TRPS1: variants seen among roughly 807,000 people sequenced by gnomAD.
The protein encoded by TRPS1 is zinc finger transcription factor Trps1.
A neutral mutation model predicts 101.2 loss-of-function variants in TRPS1; 6 were observed. The observed-to-expected ratio is 0.06, with a 90% CI of 0.03 to 0.12. The LOEUF is 0.12. Among genes scored for constraint, TRPS1 ranks in the 10% least tolerant of loss-of-function variants. TRPS1 has a pLI of 1.00. For missense variants in TRPS1, 1,363 were observed against 1,567.0 expected (o/e 0.87, Z 2.20); for synonymous variants, 578 against 589.8 (o/e 0.98, Z 0.29).
intron 5 of TRPS1, among the ~76,000 whole-genome samples, chr8:115,517,585 C>A (rs1815748428): frequency 6.6e-6 from 1 of 151,244 alleles, no homozygotes; most frequent in African/African-American, 2.4e-5. Flanking sequence ...TCCTATGATT[C>A]AATATGCAGA....
intron 5 of TRPS1, among the ~76,000 whole-genome samples, chr8:115,512,692 T>C (rs963871263): frequency 6.6e-6 from 1 of 151,664 alleles, no homozygotes; most frequent in African/African-American, 2.4e-5. Context: ...TACTCTTAGA[T>C]TTTGGTCAAA....
At chr8:115,594,906 T>C (rs1460312712) in intron 4 of TRPS1, among the ~76,000 whole-genome samples, 2 of 151,862 alleles carry the variant, frequency 1.3e-5, no homozygotes, top group Non-Finnish European at 3.0e-5. Flanking sequence ...CTTTTAAATG[T>C]TAACTTGAGA....
At chr8:115,544,564 C>A (rs1563591297) in intron 5 of TRPS1, among the ~76,000 whole-genome samples, 1 of 152,066 alleles carries the variant, frequency 6.6e-6, no homozygotes, top group Non-Finnish European at 1.5e-5. Flanking sequence ...GATTCACTCA[C>A]TAAAATTATT....
intron 5 of TRPS1, chr8:115,515,312 A>G (rs1193985436): frequency 5.8e-6 from 4 of 695,402 alleles, no homozygotes; most frequent in Non-Finnish European, 5.3e-6. Flanking sequence ...GAAGTACAGT[A>G]AAAAAGTTAG....
At position 115,604,011 on chromosome 8, in the gene TRPS1, T is replaced by G; in HGVS notation, c.1958A>C (p.Gln653Pro). Residue 653 changes from glutamine to proline, a missense_variant, in exon 4 of 7, where the codon CAA becomes CCA. Gln to Pro is a moderately conservative substitution (Grantham distance 76). Coordinates refer to ENST00000395715, the MANE Select transcript of TRPS1 (RefSeq NM_014112.5). The surrounding 1 kb of genome is among the most constrained non-coding windows in gnomAD (Gnocchi z 4.1). ...TGCTTCTTGTTTGACATCCGATGCT[T>G]GGGACTCATGCACACTTTCATAGTG... ...LFHYESVHES[Q>P]ASDVKQEANH... The G allele has an allele frequency of 1.2e-6, 2 of 1,613,988 alleles. No individual in the cohort carries two copies. Among genetic ancestry groups the G allele is most frequent in the Non-Finnish European group, 8.5e-7 (1 of 1,179,968 alleles).
intron 1 of TRPS1, among the ~76,000 whole-genome samples, chr8:115,658,186 T>A (rs191333095): frequency 6.6e-6 from 1 of 152,184 alleles, no homozygotes; most frequent in African/African-American, 2.4e-5. Context: ...GTCAGAGGAT[T>A]TTCAAAAAGG....
At chr8:115,431,196 TTCTC>T (rs976793331) in intron 5 of TRPS1, among the ~76,000 whole-genome samples, 13 of 152,182 alleles carry the variant, frequency 8.5e-5, no homozygotes, top group East Asian at 1.9e-4. Context: ...AATTTTTTCT[TTCTC>T]TCTTAATTTC....
intron 5 of TRPS1, chr8:115,515,323 A>C: frequency 2.9e-6 from 2 of 693,448 alleles, no homozygotes; most frequent in Non-Finnish European, 5.3e-6. Context: ...AAAAAGTTAG[A>C]ATTAGCTCAC....
At chr8:115,540,505 G>A (rs1816426662) in intron 5 of TRPS1, among the ~76,000 whole-genome samples, 1 of 152,002 alleles carries the variant, frequency 6.6e-6, no homozygotes, top group African/African-American at 2.4e-5. Flanking sequence ...AAGATCTTGA[G>A]AATAGCATTT....
chr8:115,455,951 A>C (rs1814011570), intron 5 of TRPS1, among the ~76,000 whole-genome samples: 1 of 151,124 alleles, frequency 6.6e-6, no homozygotes, highest in Admixed American at 6.6e-5. Flanking sequence ...TGCCCAGCTA[A>C]TTTTTTGTAT....
At chr8:115,415,324 T>G (rs1022395982) in intron 6 of TRPS1, among the ~76,000 whole-genome samples, 1 of 152,204 alleles carries the variant, frequency 6.6e-6, no homozygotes, top group Non-Finnish European at 1.5e-5. Flanking sequence ...AACTTTAATC[T>G]ACTTGAAAAT....
At position 115,411,919 on chromosome 8, in the gene TRPS1, A is replaced by G. The variant is rs1398243635; in HGVS notation, c.*2104T>C. 1 of 152,346 alleles carries G rather than the reference A, an allele frequency of 6.6e-6. No individual in the cohort carries two copies. Among genetic ancestry groups the G allele is most frequent in the African/African-American group, 2.4e-5 (1 of 41,418 alleles). 9.4% of individuals were successfully genotyped at this position (152,346 alleles called of 1,614,324 possible). A position where few individuals can be genotyped will look rare whatever the true frequency, so the allele number is the denominator to read the frequency against. The stretch of plus-strand genomic sequence containing the variant: ...CTGGTTGAACTCTACCTGCCATCCA[A>G]CTTTAAGAAACGAAGACCCGGCACT... On this transcript the variant is annotated 3_prime_UTR_variant, in exon 7 of 7. Transcript: ENST00000395715.
chr8:115,590,785 T>C (rs954949261), intron 4 of TRPS1, among the ~76,000 whole-genome samples: 3 of 152,216 alleles, frequency 2.0e-5, no homozygotes, highest in African/African-American at 7.2e-5. Flanking sequence ...CTTGATATGG[T>C]TCTTGTGCAT....
At chr8:115,415,898 T>C (rs1812908013) in intron 6 of TRPS1, among the ~76,000 whole-genome samples, 2 of 152,172 alleles carry the variant, frequency 1.3e-5, no homozygotes, top group Non-Finnish European at 2.9e-5. Context: ...CAAATGTGGA[T>C]ATAAAATATT....
At chr8:115,492,359 C>T in intron 5 of TRPS1, 1 of 427,956 alleles carries the variant, frequency 2.3e-6, no homozygotes, top group East Asian at 7.1e-5. Context: ...AGACAGGGTT[C>T]CAGTGTTAGA....
rs954002209 is a variant in TRPS1, at chr8:115,412,799, T to C, written c.*1224A>G. On this transcript the variant is annotated 3_prime_UTR_variant, in exon 7 of 7. Coordinates refer to ENST00000395715, the MANE Select transcript of TRPS1 (RefSeq NM_014112.5). ...GCCCTATTTCCCTGAGCAGTTATGC[T>C]GAGGAGCTTTCCCTTCATGGATAGT... 1.2e-4 allele frequency: 18 copies of C among 152,564 alleles called. No homozygotes were observed. The highest frequency in any genetic ancestry group is 4.1e-4 in the African/African-American group (17 of 41,442). 9.5% of individuals were successfully genotyped at this position (152,564 alleles called of 1,614,324 possible). A position where few individuals can be genotyped will look rare whatever the true frequency, so the allele number is the denominator to read the frequency against.
At chr8:115,557,352 T>C (rs1816845541) in intron 5 of TRPS1, among the ~76,000 whole-genome samples, 2 of 152,092 alleles carry the variant, frequency 1.3e-5, no homozygotes, top group East Asian at 3.9e-4. Context: ...ACAATGAAAC[T>C]TTCTCCTTTT....
chr8:115,639,397 G>T (rs1287243503), intron 1 of TRPS1, among the ~76,000 whole-genome samples: 2 of 152,096 alleles, frequency 1.3e-5, no homozygotes, highest in Admixed American at 1.3e-4. Context: ...ACAAAATGCA[G>T]GCAGCCAAAC....
chr8:115,466,274 A>G (rs1814315646), intron 5 of TRPS1, among the ~76,000 whole-genome samples: 1 of 152,178 alleles, frequency 6.6e-6, no homozygotes, highest in African/African-American at 2.4e-5. Flanking sequence ...CACTAATTAT[A>G]TATTTTTTAA....
Sources: allele counts gnomAD v4.1 joint callset (sites outside exome capture counted in the v4.1 genomes callset), GRCh38; gene constraint gnomAD v4.1.1; non-coding constraint Gnocchi (gnomAD v3.1); transcripts MANE v1.5; gene names NCBI Gene and HGNC (gene_info 2026-07-23, HGNC 2026-07-21).